The following POLR3H variants were observed in gnomAD, a reference collection of about 807,000 sequenced individuals.
The protein encoded by POLR3H is RNA polymerase III subunit H.
POLR3H carries 17 observed loss-of-function variants against 25.5 expected under a neutral mutation model. The ratio of observed to expected loss-of-function variants is 0.67; its 90% CI spans 0.46 to 1.00. The LOEUF (loss-of-function observed/expected upper bound fraction) is 1.00, where lower values mean the gene tolerates loss of function less well. Among genes scored for constraint, POLR3H ranks in the 50% least tolerant of loss-of-function variants. POLR3H has a pLI of 0.00. For synonymous variants in POLR3H, 129 were observed against 103.0 expected, an observed-to-expected ratio of 1.25 and a Z score of -1.53; for missense variants, 274 against 265.0, an observed-to-expected ratio of 1.03 and a Z score of -0.24.
rs2145581331 is a variant in POLR3H at position 41,544,438 on chromosome 22, G to C, written c.-337C>G. 1.0e-5 allele frequency: 2 copies of C among 196,586 alleles called. No individual in the cohort carries two copies. The highest frequency in any genetic ancestry group is 2.9e-4 in the South Asian group (2 of 6,844). The allele number at this position is 196,586 out of a possible 1,614,324, so 12.2% of individuals were successfully genotyped here. A position where few individuals can be genotyped will look rare whatever the true frequency, so the allele number is the denominator to read the frequency against. On this transcript the variant is annotated 5_prime_UTR_variant, in exon 1 of 6. Coordinates refer to ENST00000355209, the MANE Select transcript of POLR3H (RefSeq NM_001018050.4). ...GCTCGTATCACGCACCACGCACCAC[G>C]CACCGCGCACAGCCGCTCGCGCTTG...
In POLR3H at chr22:41,528,401, C is replaced by G. The variant is rs73887737; in HGVS notation, c.*882G>C. On this transcript the variant is annotated 3_prime_UTR_variant, in exon 6 of 6. Transcript: ENST00000355209. ...ACCTCTTAGGTCCCCAGGCAGTGCC[C>G]TGTCTCCCTGACCCCCCTGCGGGGC... 3,419 of 1,562,828 alleles carry G rather than the reference C, an allele frequency of 2.2e-3. 60 individuals are homozygous for G. The African/African-American group carries it at 0.042, about 19-fold the overall frequency.
Position 41,526,013 on chromosome 22 carries a change from G to A in POLR3H, c.*3270C>T. The stretch of plus-strand genomic sequence containing the variant: ...GAACATTGACCTGTCCCAACTTTGG[G>A]CGGCCTCTGCCCCATAAGGGAGACT... On this transcript the variant is annotated 3_prime_UTR_variant, in exon 6 of 6. Coordinates refer to ENST00000355209, the MANE Select transcript of POLR3H (RefSeq NM_001018050.4). 2.3e-6 allele frequency: 1 copy of A among 431,434 alleles called. No homozygotes were observed. Among genetic ancestry groups the A allele is most frequent in the East Asian group, 3.7e-5 (1 of 27,334 alleles). The allele number at this position is 431,434 out of a possible 1,614,324, so 26.7% of individuals were successfully genotyped here. A position where few individuals can be genotyped will look rare whatever the true frequency, so the allele number is the denominator to read the frequency against.
intron 2 of POLR3H, 104 bp from the exon 3 acceptor site, chr22:41,532,849 T>C (rs565617245): frequency 2.4e-6 from 3 of 1,228,054 alleles, no homozygotes; most frequent in East Asian, 2.4e-5. Context: ...GGCTGCTCCA[T>C]GCCACATCCC....
chr22:41,531,818 C>T (rs1442094836), intron 4 of POLR3H, among the ~76,000 whole-genome samples: 1 of 152,214 alleles, frequency 6.6e-6, no homozygotes, highest in Non-Finnish European at 1.5e-5. Flanking sequence ...TGAATGGTGT[C>T]CCCCAGGACA....
Position 41,526,941 on chromosome 22 carries a change from G to A in POLR3H, c.*2342C>T, listed in dbSNP as rs1036608115. 9 of 390,172 alleles carry A rather than the reference G, an allele frequency of 2.3e-5. No homozygotes were observed. Among genetic ancestry groups the A allele is most frequent in the South Asian group, 6.4e-5 (2 of 31,454 alleles). The allele number at this position is 390,172 out of a possible 1,614,324, so 24.2% of individuals were successfully genotyped here. ...CAGAGGGTGCTCCCAGGAAGGGGGCGCCTTGAGCTTCACAGATGCATCTTG... is the reference window on the plus strand; with the variant it reads ...CAGAGGGTGCTCCCAGGAAGGGGGCACCTTGAGCTTCACAGATGCATCTTG... On this transcript the variant is annotated 3_prime_UTR_variant, in exon 6 of 6. Transcript: ENST00000355209.
chr22:41,528,834 T>C lies in POLR3H; in HGVS notation c.*449A>G, dbSNP rs2066661385. On this transcript the variant is annotated 3_prime_UTR_variant, in exon 6 of 6. Transcript: ENST00000355209. ...CCTATTTTGAGTTTGGTTCAGATCT[T>C]AAGCAGCTCCATGCAACTGTATTTA... 1 of 601,820 alleles carries C rather than the reference T, an allele frequency of 1.7e-6. No individual in the cohort carries two copies. 37.3% of individuals were successfully genotyped at this position (601,820 alleles called of 1,614,324 possible).
rs1201920478 is a variant in POLR3H, at chr22:41,527,484, T to G, written c.*1799A>C. On this transcript the variant is annotated 3_prime_UTR_variant, in exon 6 of 6. Transcript: ENST00000355209. The stretch of plus-strand genomic sequence containing the variant: ...CCCTAGTGATCAAGGTCACTCTCCC[T>G]GCCCGTGGCTGAGTTGGGCCTGGTT... 1 of 1,545,250 alleles carries G rather than the reference T, an allele frequency of 6.5e-7. No homozygotes were observed. Among genetic ancestry groups the G allele is most frequent in the Non-Finnish European group, 8.7e-7 (1 of 1,148,418 alleles).
At position 41,526,152 on chromosome 22, in the gene POLR3H, C is replaced by T. The variant is rs2066590325; in HGVS notation, c.*3131G>A. ...CTGAAGACTTGCCTGCCTCTCACCCCTCTGTCACCCCTCCTGGGCCCCGGG... is the reference window on the plus strand; with the variant it reads ...CTGAAGACTTGCCTGCCTCTCACCCTTCTGTCACCCCTCCTGGGCCCCGGG... On this transcript the variant is annotated 3_prime_UTR_variant, in exon 6 of 6. Transcript: ENST00000355209. 1.1e-6 allele frequency: 1 copy of T among 952,216 alleles called. No individual in the cohort carries two copies. The highest frequency in any genetic ancestry group is 1.6e-6 in the Non-Finnish European group (1 of 629,480). 59.0% of individuals were successfully genotyped at this position (952,216 alleles called of 1,614,324 possible).
chr22:41,529,325 A>G lies in POLR3H; in HGVS notation c.573T>C (p.Ser191=). ...AGGAGAGAAGGCCCAGGCCTGGCTC[A>G]CTGATGGATCCCTGCCAGGGATAAA... The part of the protein sequence containing the change: ...EAPYTLVGSI[S]EPGLGLLSWW... The change falls in exon 6 of 6, where the codon AGT becomes AGC. Residue 191 remains serine, a synonymous_variant. Coordinates refer to ENST00000355209, the MANE Select transcript of POLR3H (RefSeq NM_001018050.4). 1 of 1,613,760 alleles carries G rather than the reference A, an allele frequency of 6.2e-7. No homozygotes were observed. The highest frequency in any genetic ancestry group is 8.5e-7 in the Non-Finnish European group (1 of 1,179,862).
At chr22:41,533,448 C>T (rs766528628) in intron 2 of POLR3H, 21 of 1,082,610 alleles carry the variant, frequency 1.9e-5, no homozygotes, top group African/African-American at 5.0e-5. Context: ...GAGGATAAGG[C>T]AGTGGCTCAG....
chr22:41,527,404 C>T lies in POLR3H; in HGVS notation c.*1879G>A. 1.2e-6 allele frequency: 2 copies of T among 1,612,350 alleles called. No homozygotes were observed. The highest frequency in any genetic ancestry group is 2.2e-5 in the East Asian group (1 of 44,868). ...GGGGCCGGGCCATCATCACCAAGAG[C>T]TTTGCCAGGATCCACGGTGAGCTGG... On this transcript the variant is annotated 3_prime_UTR_variant, in exon 6 of 6. Coordinates refer to ENST00000355209, the MANE Select transcript of POLR3H (RefSeq NM_001018050.4).
rs887165647 is a variant in POLR3H, at chr22:41,543,975, G to C, written c.111+16C>G. Reference sequence around the variant, plus strand: ...CTCCCACGCCAAGGCCTGCCCGCGAGCCGTGGGCCCAGTACCTTGTTGGCC... The same window carrying C: ...CTCCCACGCCAAGGCCTGCCCGCGACCCGTGGGCCCAGTACCTTGTTGGCC... On this transcript the variant is annotated intron_variant, in intron 1 of 5. Transcript: ENST00000355209. 1.3e-6 allele frequency: 2 copies of C among 1,584,318 alleles called. No homozygotes were observed. The highest frequency in any genetic ancestry group is 1.7e-6 in the Non-Finnish European group (2 of 1,153,392).
At chr22:41,538,583 T>C (rs1236550096) in intron 2 of POLR3H, among the ~76,000 whole-genome samples, 4 of 152,058 alleles carry the variant, frequency 2.6e-5, no homozygotes, top group Non-Finnish European at 5.9e-5. Flanking sequence ...TTTCTCCAAG[T>C]TTTTCTGGAA....
rs1052330879 is a variant in POLR3H, at chr22:41,526,977, G to A, written c.*2306C>T. 7.4e-5 allele frequency: 34 copies of A among 462,582 alleles called. No individual in the cohort carries two copies. Among genetic ancestry groups the A allele is most frequent in the East Asian group, 4.0e-4 (10 of 24,802 alleles). The allele number at this position is 462,582 out of a possible 1,614,324, so 28.7% of individuals were successfully genotyped here. On this transcript the variant is annotated 3_prime_UTR_variant, in exon 6 of 6. Coordinates refer to ENST00000355209, the MANE Select transcript of POLR3H (RefSeq NM_001018050.4). Reference sequence around the variant, plus strand: ...CACAGATGCATCTTGTGTGGGGCCCGGAGGCCGTCCCTGTCTCACCCAACC... The same window carrying A: ...CACAGATGCATCTTGTGTGGGGCCCAGAGGCCGTCCCTGTCTCACCCAACC...
chr22:41,536,288 G>T (rs1430852959), intron 2 of POLR3H, among the ~76,000 whole-genome samples: 2 of 151,482 alleles, frequency 1.3e-5, no homozygotes, highest in African/African-American at 4.8e-5. Context: ...CCAGCTACTC[G>T]GGAGGCTGAG....
intron 4 of POLR3H, among the ~76,000 whole-genome samples, chr22:41,531,495 G>A (rs897698260): frequency 2.0e-5 from 3 of 152,230 alleles, no homozygotes; most frequent in African/African-American, 7.2e-5. Context: ...GGGTTCTCTG[G>A]TGGCAGTCCC....
chr22:41,529,312 C>T lies in POLR3H; in HGVS notation c.586G>A (p.Gly196Ser), dbSNP rs2066672683. 2 of 1,613,690 alleles carry T rather than the reference C, an allele frequency of 1.2e-6. No homozygotes were observed. Among genetic ancestry groups the T allele is most frequent in the South Asian group, 2.2e-5 (2 of 91,074 alleles). ...LVGSISEPGL[G>S]LLSWWTSN The stretch of plus-strand genomic sequence containing the variant: ...TTGCTGGTCCACCAGGAGAGAAGGC[C>T]CAGGCCTGGCTCACTGATGGATCCC... Residue 196 changes from glycine to serine, a missense_variant, in exon 6 of 6, where the codon GGC becomes AGC. Physicochemically the swap from Gly to Ser is moderately conservative, Grantham distance 56 (BLOSUM62 0). Transcript: ENST00000355209.
intron 2 of POLR3H, chr22:41,533,530 G>A (rs1396711426): frequency 5.6e-6 from 7 of 1,240,718 alleles, no homozygotes; most frequent in Non-Finnish European, 7.3e-6. Context: ...ACCAGACAGG[G>A]CCACCGGGTC....
rs373677045 is a variant in POLR3H, at chr22:41,527,271, C to T, written c.*2012G>A. 1 of 1,614,132 alleles carries T rather than the reference C, an allele frequency of 6.2e-7. No individual in the cohort carries two copies. The highest frequency in any genetic ancestry group is 8.5e-7 in the Non-Finnish European group (1 of 1,179,998). On this transcript the variant is annotated 3_prime_UTR_variant, in exon 6 of 6. Transcript: ENST00000355209. Reference sequence around the variant, plus strand: ...GCCCTCCTCTGCCTTATAACCTTACCCCCGCTTGCCTGACAGAAACATGGC... The same window carrying T: ...GCCCTCCTCTGCCTTATAACCTTACTCCCGCTTGCCTGACAGAAACATGGC...
Sources: allele counts gnomAD v4.1 joint callset (sites outside exome capture counted in the v4.1 genomes callset), GRCh38; gene constraint gnomAD v4.1.1; transcripts MANE v1.5; gene names NCBI Gene and HGNC (gene_info 2026-07-23, HGNC 2026-07-21).